Variants in GABRB3 observed in about 807,000 individuals in gnomAD.
The protein encoded by GABRB3 is gamma-aminobutyric acid receptor subunit beta-3.
GABRB3 carries 14 observed loss-of-function variants against 52.1 expected under a neutral mutation model. The ratio of observed to expected loss-of-function variants is 0.27; its 90% CI spans 0.18 to 0.42. GABRB3 has a LOEUF of 0.42. GABRB3 is among the 10% of genes least tolerant of loss of function. The probability of loss-of-function intolerance (pLI) is 1.00; values close to 1 mark genes in which losing one functional copy is unlikely to be tolerated. For synonymous variants in GABRB3, 260 were observed against 232.3 expected, an observed-to-expected ratio of 1.12 and a Z score of -1.08; for missense variants, 307 against 609.1, an observed-to-expected ratio of 0.50 and a Z score of 5.22.
rs143555582 is a variant in GABRB3, at chr15:26,656,412, C to T, written c.241-34878G>A. ...CAACCTGAGGGGCATGATTTGTTTG[C>T]TGCAAACTTACGATTTTTCCTTAAG... On this transcript the variant is annotated intron_variant, in intron 3 of 8. Transcript: ENST00000311550. 2.5e-3 allele frequency among the ~76,000 whole-genome samples: 384 copies of T among 152,334 alleles called. 1 individual carries two copies. The highest frequency in any genetic ancestry group is 8.5e-3 in the African/African-American group (353 of 41,578).
chr15:26,687,488 T>C lies in GABRB3; in HGVS notation c.241-65954A>G, dbSNP rs192841973. Among the ~76,000 whole-genome samples the C allele has an allele frequency of 5.3e-5, 8 of 152,224 alleles. 1 individual carries two copies. In the East Asian group the frequency reaches 1.4e-3, roughly 26 times the overall value. Reference sequence around the variant, plus strand: ...TCTCGACATCATGCTTCTCTTTCTCTTCCTCTCTTCCTCCGCCTGCCTACC... The same window carrying C: ...TCTCGACATCATGCTTCTCTTTCTCCTCCTCTCTTCCTCCGCCTGCCTACC... On this transcript the variant is annotated intron_variant, in intron 3 of 8. Coordinates refer to ENST00000311550, the MANE Select transcript of GABRB3 (RefSeq NM_000814.6).
intron 3 of GABRB3, among the ~76,000 whole-genome samples, chr15:26,699,214 C>T (rs1377848022): frequency 6.6e-6 from 1 of 151,942 alleles, no homozygotes; most frequent in Non-Finnish European, 1.5e-5. Flanking sequence ...AGATGGAGTA[C>T]ACAGAAGGTC....
chr15:26,732,764 G>A (rs1406108350), intron 3 of GABRB3, among the ~76,000 whole-genome samples: 1 of 152,102 alleles, frequency 6.6e-6, no homozygotes, highest in Non-Finnish European at 1.5e-5. Context: ...GCCGAGGCAG[G>A]TGGATCGCGA....
At chr15:26,563,896 T>C (rs1890074311) in intron 7 of GABRB3, among the ~76,000 whole-genome samples, 1 of 152,202 alleles carries the variant, frequency 6.6e-6, no homozygotes, top group Non-Finnish European at 1.5e-5. Flanking sequence ...GAAAGCTGTA[T>C]TTATAAAAAT....
chr15:26,567,820 G>C (rs1216106488), intron 6 of GABRB3, 87 bp from the exon 7 acceptor site: 1 of 1,338,134 alleles, frequency 7.5e-7, no homozygotes, highest in African/African-American at 1.4e-5. Flanking sequence ...TCAACAACAG[G>C]CAATGGAAAA....
intron 3 of GABRB3, among the ~76,000 whole-genome samples, chr15:26,663,006 G>C (rs1188433038): frequency 6.6e-6 from 1 of 152,180 alleles, no homozygotes; most frequent in Non-Finnish European, 1.5e-5. Context: ...CTAGGAAATA[G>C]ACATTGGTAC....
intron 3 of GABRB3, 138 bp downstream of exon 3, chr15:26,772,264 C>T (rs1344229952): frequency 2.8e-6 from 2 of 710,026 alleles, no homozygotes; most frequent in Admixed American, 6.0e-5. Context: ...GGGCCGGCGC[C>T]TGGGAGCGCG....
intron 3 of GABRB3, among the ~76,000 whole-genome samples, chr15:26,700,088 C>T (rs1323714809): frequency 6.6e-6 from 1 of 151,410 alleles, no homozygotes; most frequent in African/African-American, 2.4e-5. Flanking sequence ...AAACCTTTAC[C>T]AGACTGATAA....
intron 3 of GABRB3, among the ~76,000 whole-genome samples, chr15:26,761,149 C>T (rs1344163839): frequency 6.6e-6 from 1 of 152,172 alleles, no homozygotes. Flanking sequence ...AATCTTAGCA[C>T]TTTGGGAGGC....
chr15:26,624,078 C>T (rs1892587899), intron 3 of GABRB3: 2 of 455,380 alleles, frequency 4.4e-6, no homozygotes, highest in Non-Finnish European at 5.8e-6. Flanking sequence ...CAGAGGCCTC[C>T]GAGGAGTGGA....
intron 3 of GABRB3, among the ~76,000 whole-genome samples, chr15:26,678,488 G>C (rs769707369): frequency 6.6e-6 from 1 of 151,988 alleles, no homozygotes; most frequent in Non-Finnish European, 1.5e-5. Flanking sequence ...TACTGCATGA[G>C]AAAGCACGAG....
rs147748102 is a variant in GABRB3, at chr15:26,770,831, T to C, written c.240+1571A>G. 2.0e-3 allele frequency among the ~76,000 whole-genome samples: 303 copies of C among 152,078 alleles called. 1 individual carries two copies. The highest frequency in any genetic ancestry group is 6.4e-3 in the African/African-American group (266 of 41,490). On this transcript the variant is annotated intron_variant, in intron 3 of 8. Transcript: ENST00000311550. ...ATCTTAAATGTATTAACTTGTTTCC[T>C]TATAAACATAAAACAAACATTTTGA...
chr15:26,552,793 G>A (rs1889529073), intron 8 of GABRB3, among the ~76,000 whole-genome samples: 1 of 152,156 alleles, frequency 6.6e-6, no homozygotes, highest in African/African-American at 2.4e-5. Flanking sequence ...AGTGGGTGGA[G>A]AGAATGAGCT....
intron 3 of GABRB3, among the ~76,000 whole-genome samples, chr15:26,720,994 C>T (rs796588415): frequency 2.6e-5 from 4 of 152,032 alleles, no homozygotes; most frequent in Non-Finnish European, 2.9e-5. Flanking sequence ...GGGGGTAGAC[C>T]GCCCCAACAT....
At chr15:26,599,200 C>T (rs987028937) in intron 4 of GABRB3, among the ~76,000 whole-genome samples, 1 of 152,168 alleles carries the variant, frequency 6.6e-6, no homozygotes, top group Non-Finnish European at 1.5e-5. Context: ...TTCCATTTAG[C>T]CAAAAGTCCA....
At chr15:26,723,989 T>C (rs1019240218) in intron 3 of GABRB3, among the ~76,000 whole-genome samples, 49 of 152,348 alleles carry the variant, frequency 3.2e-4, no homozygotes, top group African/African-American at 1.1e-3. Flanking sequence ...GGGAACCTCA[T>C]AATGTGGACA....
rs139655476 is a variant in GABRB3 at position 26,766,970 on chromosome 15, C to T, written c.240+5432G>A. ...TTCTCATTTTGCTCTCTATACCGTACGTTCTAATATTAAACACAAGCCTCT... is the reference window on the plus strand; with the variant it reads ...TTCTCATTTTGCTCTCTATACCGTATGTTCTAATATTAAACACAAGCCTCT... On this transcript the variant is annotated intron_variant, in intron 3 of 8. Transcript: ENST00000311550. Among the ~76,000 whole-genome samples the T allele has an allele frequency of 2.0e-3, 303 of 152,204 alleles. 1 individual carries two copies. The highest frequency in any genetic ancestry group is 6.4e-3 in the African/African-American group (266 of 41,530).
At chr15:26,760,056 G>A (rs1478783748) in intron 3 of GABRB3, among the ~76,000 whole-genome samples, 1 of 152,222 alleles carries the variant, frequency 6.6e-6, no homozygotes, top group East Asian at 1.9e-4. Context: ...CAAAGTAGCT[G>A]AGGCTCATAG....
intron 8 of GABRB3, among the ~76,000 whole-genome samples, chr15:26,554,199 A>ATT (rs1256266997): frequency 1.2e-5 from 1 of 80,708 alleles, no homozygotes; most frequent in Non-Finnish European, 2.6e-5. Context: ...TACTATATAT[A>ATT]TATATATATA....
Sources: allele counts gnomAD v4.1 joint callset (sites outside exome capture counted in the v4.1 genomes callset), GRCh38; gene constraint gnomAD v4.1.1; transcripts MANE v1.5; gene names NCBI Gene and HGNC (gene_info 2026-07-23, HGNC 2026-07-21).